The following WFDC8 variants were observed in gnomAD, a reference collection of about 807,000 sequenced individuals.
The protein encoded by WFDC8 is WAP four-disulfide core domain 8, also known as WAP four-disulfide core domain protein 8.
WFDC8 carries 24 observed loss-of-function variants against 27.0 expected under a neutral mutation model. That is an observed-to-expected ratio of 0.89 (90% CI 0.64 to 1.25). WFDC8 has a LOEUF of 1.25. WFDC8 is among the 50% of genes most tolerant of loss of function. The pLI is 0.00. For synonymous variants in WFDC8, 106 were observed against 99.7 expected (o/e 1.06, Z -0.38); for missense variants, 287 against 295.9 (o/e 0.97, Z 0.22).
chr20:45,576,719 T>C (rs1255094271), intron 1 of WFDC8, among the ~76,000 whole-genome samples: 1 of 151,562 alleles, frequency 6.6e-6, no homozygotes, highest in Non-Finnish European at 1.5e-5. Flanking sequence ...TATTGCCTAA[T>C]ATTAATCAAA....
At chr20:45,578,528 G>A (rs898431164) in intron 1 of WFDC8, among the ~76,000 whole-genome samples, 2 of 151,270 alleles carry the variant, frequency 1.3e-5, no homozygotes, top group Non-Finnish European at 3.0e-5. Context: ...GGAGCTGGCA[G>A]AAACTCACAG....
chr20:45,574,000 G>A (rs1461704761), intron 1 of WFDC8, among the ~76,000 whole-genome samples: 2 of 151,928 alleles, frequency 1.3e-5, no homozygotes, highest in Non-Finnish European at 2.9e-5. Context: ...AGATTCTTGG[G>A]GTCTTTTGTG....
rs773534545 is a variant in WFDC8 at position 45,553,204 on chromosome 20, A to G, written c.518T>C (p.Ile173Thr). 7.4e-6 allele frequency: 12 copies of G among 1,613,754 alleles called. No homozygotes were observed. In the African/African-American group the frequency reaches 9.3e-5, roughly 13 times the overall value. ...ACATTTGTCTGTCTGGGGACAATCG[A>G]TGTCACTGTGACATGAAGGTGGACA... ...KECPPSCHSD[I>T]DCPQTDKCCE... is the part of the protein sequence containing the mutation. The change falls in exon 5 of 6, where the codon ATC becomes ACC. Residue 173 changes from isoleucine to threonine, a missense_variant. Transcript: ENST00000289953.
chr20:45,572,765 C>A (rs1980914224), intron 1 of WFDC8, among the ~76,000 whole-genome samples: 1 of 152,186 alleles, frequency 6.6e-6, no homozygotes, highest in Non-Finnish European at 1.5e-5. Context: ...CGCCATCATG[C>A]CCAGCTAATT....
At position 45,571,088 on chromosome 20, in the gene WFDC8, A is replaced by C. The variant is rs374686581; in HGVS notation, c.26+8134T>G. Among the ~76,000 whole-genome samples the C allele has an allele frequency of 1.2e-4, 18 of 152,300 alleles. No individual in the cohort carries two copies. In the East Asian group the frequency reaches 3.1e-3, roughly 26 times the overall value. ...CCATCATTGAACCTACTTTAAAAAA[A>C]AGTCTTCATAATTTCCATACTTTAT... On this transcript the variant is annotated intron_variant, in intron 1 of 5. Transcript: ENST00000289953.
rs556195396 is a variant in WFDC8, at chr20:45,564,721, G to T, written c.27-2502C>A. ...GCCCAGCATGGCAGCGCACACCTGT[G>T]GTTCTAGCTACTTAGGAGGCTGAGC... On this transcript the variant is annotated intron_variant, in intron 1 of 5. Coordinates refer to ENST00000289953, the MANE Select transcript of WFDC8 (RefSeq NM_130896.3). 2.0e-5 allele frequency among the ~76,000 whole-genome samples: 3 copies of T among 150,584 alleles called. No homozygotes were observed. The South Asian group carries it at 6.4e-4, about 32-fold the overall frequency.
chr20:45,555,567 A>G (rs1600886183), intron 4 of WFDC8, 134 bp downstream of exon 4: 1 of 986,338 alleles, frequency 1.0e-6, no homozygotes, highest in Admixed American at 2.5e-5. Flanking sequence ...CTGGCCCAAG[A>G]CCTCCCAGCC....
Position 45,551,880 on chromosome 20 carries a change from G to A in WFDC8, c.*146C>T. 5.1e-6 allele frequency: 5 copies of A among 983,424 alleles called. No individual in the cohort carries two copies. The highest frequency in any genetic ancestry group is 7.2e-6 in the Non-Finnish European group (5 of 692,220). 60.9% of individuals were successfully genotyped at this position (983,424 alleles called of 1,614,324 possible). On this transcript the variant is annotated 3_prime_UTR_variant, in exon 6 of 6. Coordinates refer to ENST00000289953, the MANE Select transcript of WFDC8 (RefSeq NM_130896.3). Reference sequence around the variant, plus strand: ...AAATATATCATCACTTTCAGATGATGGGATTATATATAAAATCAAAGTAAC... The same window carrying A: ...AAATATATCATCACTTTCAGATGATAGGATTATATATAAAATCAAAGTAAC...
Position 45,553,216 on chromosome 20 carries a change from C to A in WFDC8, c.506G>T (p.Cys169Phe). The A allele has an allele frequency of 1.2e-6, 2 of 1,613,868 alleles. No homozygotes were observed. Among genetic ancestry groups the A allele is most frequent in the Non-Finnish European group, 1.7e-6 (2 of 1,179,822 alleles). Residue 169 changes from cysteine to phenylalanine, a missense_variant, in exon 5 of 6, where the codon TGT (cysteine) becomes TTT (phenylalanine). Transcript: ENST00000289953. ...FTERKECPPS[C>F]HSDIDCPQTD... ...CTGGGGACAATCGATGTCACTGTGACATGAAGGTGGACACTCCTTACGTTC... is the reference window on the plus strand; with the variant it reads ...CTGGGGACAATCGATGTCACTGTGAAATGAAGGTGGACACTCCTTACGTTC...
Position 45,579,126 on chromosome 20 carries a change from C to T in WFDC8, c.26+96G>A. The T allele has an allele frequency of 4.7e-6, 6 of 1,277,394 alleles. No homozygotes were observed. The South Asian group carries it at 6.4e-5, about 14-fold the overall frequency. 79.1% of individuals were successfully genotyped at this position (1,277,394 alleles called of 1,614,324 possible). A position where few individuals can be genotyped will look rare whatever the true frequency, so the allele number is the denominator to read the frequency against. On this transcript the variant is annotated intron_variant, in intron 1 of 5. Coordinates refer to ENST00000289953, the MANE Select transcript of WFDC8 (RefSeq NM_130896.3). ...CCTCACTATGCTTGGCCCAACTCCC[C>T]ACAGCCGACCACTCTAACTTCTATG...
intron 3 of WFDC8, among the ~76,000 whole-genome samples, chr20:45,556,825 A>G (rs1223874990): frequency 6.6e-6 from 1 of 152,202 alleles, no homozygotes; most frequent in Non-Finnish European, 1.5e-5. Context: ...GTGCAATGAA[A>G]AGTGGATTTT....
chr20:45,560,673 G>A (rs1047689075), intron 2 of WFDC8, among the ~76,000 whole-genome samples: 9 of 152,050 alleles, frequency 5.9e-5, no homozygotes, highest in African/African-American at 1.9e-4. Flanking sequence ...ATGCATTAGG[G>A]GCAAGTCTGG....
At chr20:45,568,766 C>G (rs1980769832) in intron 1 of WFDC8, 2 of 471,282 alleles carry the variant, frequency 4.2e-6, no homozygotes, top group South Asian at 3.3e-5. Flanking sequence ...CAATGTGACA[C>G]TCTCGATAAT....
chr20:45,555,380 T>C (rs1171705233), intron 4 of WFDC8, among the ~76,000 whole-genome samples: 1 of 152,200 alleles, frequency 6.6e-6, no homozygotes, highest in Non-Finnish European at 1.5e-5. Context: ...CAGGTTACTA[T>C]GATGAGGAAA....
chr20:45,572,465 T>TG (rs1980903547), intron 1 of WFDC8, among the ~76,000 whole-genome samples: 1 of 152,014 alleles, frequency 6.6e-6, no homozygotes, highest in Non-Finnish European at 1.5e-5. Flanking sequence ...ATGTTTAATC[T>TG]TTTTGATAAC....
rs146019305 is a variant in WFDC8, at chr20:45,554,431, A to C, written c.446-1155T>G. On this transcript the variant is annotated intron_variant, in intron 4 of 5. Transcript: ENST00000289953. ...GGAGTCAGATTAGGGCTGGAGACAC[A>C]ACTTTGTGGGTCATTAGGACATAGG... Among the ~76,000 whole-genome samples, 27 of 152,286 alleles carry C rather than the reference A, an allele frequency of 1.8e-4. 1 individual carries two copies. The highest frequency in any genetic ancestry group is 6.5e-4 in the African/African-American group (27 of 41,568).
chr20:45,572,072 T>C (rs1009274093), intron 1 of WFDC8, among the ~76,000 whole-genome samples: 2 of 152,156 alleles, frequency 1.3e-5, no homozygotes, highest in African/African-American at 4.8e-5. Flanking sequence ...TCATAATGGC[T>C]GTACTAATTT....
At chr20:45,553,449 AT>A (rs1238163717) in intron 4 of WFDC8, among the ~76,000 whole-genome samples, 173 bp from the exon 5 acceptor site, 3 of 152,146 alleles carry the variant, frequency 2.0e-5, no homozygotes, top group Non-Finnish European at 4.4e-5. Context: ...ATCATGGGAT[AT>A]GGTAGAGAGC....
At chr20:45,573,966 G>A (rs1283328853) in intron 1 of WFDC8, among the ~76,000 whole-genome samples, 3 of 152,166 alleles carry the variant, frequency 2.0e-5, no homozygotes, top group Non-Finnish European at 4.4e-5. Context: ...CTCCAGCTGT[G>A]TTCTTTTTGC....
Sources: gnomAD v4.1 joint callset for allele counts (sites outside exome capture counted in the v4.1 genomes callset) on GRCh38, gnomAD v4.1.1 for gene constraint, MANE v1.5 for transcripts, NCBI Gene and HGNC (gene_info 2026-07-23, HGNC 2026-07-21) for gene names.